CMC2: variants seen among roughly 807,000 people sequenced by gnomAD.
The protein encoded by CMC2 is COX assembly mitochondrial protein 2 homolog.
A neutral mutation model predicts 7.5 loss-of-function variants in CMC2; 5 were observed. That is an observed-to-expected ratio of 0.66 (90% CI 0.35 to 1.40). CMC2 has a LOEUF of 1.40. Among genes scored for constraint, CMC2 ranks in the 40% most tolerant of loss-of-function variants. CMC2 has a pLI of 0.04. For missense variants in CMC2, 115 were observed against 92.3 expected, an observed-to-expected ratio of 1.25 and a Z score of -1.01; for synonymous variants, 37 against 31.4, an observed-to-expected ratio of 1.18 and a Z score of -0.60.
In CMC2 at chr16:80,969,390, AT is replaced by A. The variant is rs920575095; in HGVS notation, c.*6702del. Reference sequence around the variant, plus strand: ...ATTCACTGCAAAGCCCGGAGGGCCAATTTGAGAACAGCAATTGGTACTGGGA... The same window carrying A: ...ATTCACTGCAAAGCCCGGAGGGCCAATTGAGAACAGCAATTGGTACTGGGA... On this transcript the variant is annotated 3_prime_UTR_variant, in exon 4 of 4. Coordinates refer to ENST00000219400, the MANE Select transcript of CMC2 (RefSeq NM_020188.5). The A allele has an allele frequency of 8.5e-5, 13 of 152,450 alleles. No individual in the cohort carries two copies. Among genetic ancestry groups the A allele is most frequent in the African/African-American group, 2.9e-4 (12 of 41,594 alleles). 9.4% of individuals were successfully genotyped at this position (152,450 alleles called of 1,614,324 possible).
chr16:80,985,581 A>G (rs1967456233), intron 2 of CMC2, among the ~76,000 whole-genome samples: 1 of 152,150 alleles, frequency 6.6e-6, no homozygotes, highest in Non-Finnish European at 1.5e-5. Flanking sequence ...AATATTGTAG[A>G]TATCACCCAC....
At chr16:80,984,276 G>A (rs756614498) in intron 2 of CMC2, among the ~76,000 whole-genome samples, 3 of 152,176 alleles carry the variant, frequency 2.0e-5, no homozygotes, top group African/African-American at 4.8e-5. Context: ...ATGGTGATCT[G>A]TTTTATAATG....
In CMC2 at chr16:80,972,651, A is replaced by G. The variant is rs899241483; in HGVS notation, c.*3442T>C. On this transcript the variant is annotated 3_prime_UTR_variant, in exon 4 of 4. Coordinates refer to ENST00000219400, the MANE Select transcript of CMC2 (RefSeq NM_020188.5). ...GGTTCACAACATTCTGCAAAACTAGATTTCTCAGGAAAACCTTGGCCTAAG... is the reference window on the plus strand; with the variant it reads ...GGTTCACAACATTCTGCAAAACTAGGTTTCTCAGGAAAACCTTGGCCTAAG... 45 of 152,168 alleles carry G rather than the reference A, an allele frequency of 3.0e-4. No individual in the cohort carries two copies. Among genetic ancestry groups the G allele is most frequent in the Admixed American group, 7.9e-4 (12 of 15,276 alleles). The allele number at this position is 152,168 out of a possible 1,614,324, so 9.4% of individuals were successfully genotyped here.
chr16:80,972,066 A>G lies in CMC2; in HGVS notation c.*4027T>C, dbSNP rs1222463244. On this transcript the variant is annotated 3_prime_UTR_variant, in exon 4 of 4. Coordinates refer to ENST00000219400, the MANE Select transcript of CMC2 (RefSeq NM_020188.5). ...GTGAGATCAGACTAGAGCTTAGAGGACAGAAATGGCCCCACAGGCCTCTAG... is the reference window on the plus strand; with the variant it reads ...GTGAGATCAGACTAGAGCTTAGAGGGCAGAAATGGCCCCACAGGCCTCTAG... 6.6e-6 allele frequency: 1 copy of G among 152,200 alleles called. No homozygotes were observed. Among genetic ancestry groups the G allele is most frequent in the East Asian group, 1.9e-4 (1 of 5,188 alleles). The allele number at this position is 152,200 out of a possible 1,614,324, so 9.4% of individuals were successfully genotyped here.
intron 2 of CMC2, among the ~76,000 whole-genome samples, chr16:80,984,582 T>C (rs1204094507): frequency 1.3e-5 from 2 of 152,226 alleles, no homozygotes; most frequent in African/African-American, 4.8e-5. Context: ...TAATTTTTAT[T>C]TTACTTTTTT....
intron 2 of CMC2, among the ~76,000 whole-genome samples, chr16:80,985,901 CAA>C (rs57915291): frequency 3.4e-4 from 36 of 104,990 alleles, no homozygotes; most frequent in Admixed American, 4.6e-4. Flanking sequence ...CATATACCTG[CAA>C]AAAAAAAAAA....
At chr16:80,982,362 A>T (rs1247881208) in intron 2 of CMC2, 2 of 152,382 alleles carry the variant, frequency 1.3e-5, no homozygotes, top group African/African-American at 4.8e-5. Flanking sequence ...ACAAAAAATT[A>T]GCCAGGCGTG....
chr16:80,977,401 T>G (rs1235218952), intron 3 of CMC2, among the ~76,000 whole-genome samples: 1 of 152,088 alleles, frequency 6.6e-6, no homozygotes, highest in Admixed American at 6.5e-5. Context: ...TCCAACACAC[T>G]TTAAAGGTGG....
Position 80,979,597 on chromosome 16 carries a change from TTTTA to T in CMC2, c.153+2205_153+2208del, listed in dbSNP as rs200670104. Among the ~76,000 whole-genome samples, 500 of 151,962 alleles carry T rather than the reference TTTTA, an allele frequency of 3.3e-3. 4 individuals carry two copies. The highest frequency in any genetic ancestry group is 0.011 in the African/African-American group (471 of 41,524). ...GCTATATTTTTCCATAAGCTATTTA[TTTTA>T]TTTATTTTTTATTTTATTTTTTTTT... On this transcript the variant is annotated intron_variant, in intron 3 of 3. Coordinates refer to ENST00000219400, the MANE Select transcript of CMC2 (RefSeq NM_020188.5).
intron 3 of CMC2, among the ~76,000 whole-genome samples, chr16:80,979,610 T>A (rs1281072959): frequency 1.3e-5 from 2 of 151,460 alleles, no homozygotes; most frequent in African/African-American, 4.8e-5. Flanking sequence ...TATTTATTTT[T>A]TATTTTATTT....
intron 2 of CMC2, chr16:80,991,640 CAA>C (rs35116527): frequency 4.1e-3 from 725 of 176,784 alleles, no homozygotes; most frequent in South Asian, 0.012. Context: ...ACCCTGTCTC[CAA>C]AAAAAAAAAA....
chr16:80,976,593 GAGGT>G (rs1912386996), intron 3 of CMC2, among the ~76,000 whole-genome samples: 1 of 152,106 alleles, frequency 6.6e-6, no homozygotes, highest in African/African-American at 2.4e-5. Flanking sequence ...ACTTCCTTGA[GAGGT>G]AGCCTGTCTA....
chr16:80,998,091 T>C (rs1467133787), intron 1 of CMC2: 1 of 146,084 alleles, frequency 6.8e-6, no homozygotes, highest in East Asian at 2.0e-4. Context: ...AAAAACATCA[T>C]GGGCAGCTGT....
chr16:80,999,383 AACTACAAAAC>A (rs1968678620), intron 1 of CMC2, among the ~76,000 whole-genome samples: 1 of 152,224 alleles, frequency 6.6e-6, no homozygotes, highest in Admixed American at 6.5e-5. Flanking sequence ...CTACAGGAAG[AACTACAAAAC>A]ACTGCTGAAA....
intron 1 of CMC2, among the ~76,000 whole-genome samples, chr16:81,000,966 T>A (rs1207377514): frequency 6.6e-6 from 1 of 152,176 alleles, no homozygotes; most frequent in Admixed American, 6.5e-5. Context: ...CAGTAATGGA[T>A]TGGATAAAGA....
chr16:80,999,342 G>A (rs563692577), intron 1 of CMC2, among the ~76,000 whole-genome samples: 66 of 152,198 alleles, frequency 4.3e-4, no homozygotes, highest in Non-Finnish European at 2.1e-4. Context: ...AAATACCCAG[G>A]AATACATCCA....
chr16:80,997,142 G>C, intron 2 of CMC2, 172 bp downstream of exon 2: 1 of 606,208 alleles, frequency 1.6e-6, no homozygotes, highest in South Asian at 1.9e-5. Flanking sequence ...AAAGGAGGTA[G>C]TTTGTGTAAA....
At chr16:80,998,100 G>C (rs959242007) in intron 1 of CMC2, 2 of 122,372 alleles carry the variant, frequency 1.6e-5, no homozygotes, top group African/African-American at 5.7e-5. Flanking sequence ...ATGGGCAGCT[G>C]TTCTTTTTTT....
At chr16:80,979,903 T>C (rs1170921623) in intron 3 of CMC2, among the ~76,000 whole-genome samples, 1 of 152,172 alleles carries the variant, frequency 6.6e-6, no homozygotes, top group Non-Finnish European at 1.5e-5. Flanking sequence ...ATTATAGGCG[T>C]GGGCCACCAC....
Sources: gnomAD v4.1 joint callset for allele counts (sites outside exome capture counted in the v4.1 genomes callset) on GRCh38, gnomAD v4.1.1 for gene constraint, MANE v1.5 for transcripts, NCBI Gene and HGNC (gene_info 2026-07-23, HGNC 2026-07-21) for gene names.